Variants in PLSCR4 observed in about 807,000 individuals in gnomAD.
The protein encoded by PLSCR4 is Ca(2+)-dependent phospholipid scramblase 4.
In PLSCR4, 25 loss-of-function variants were observed where a neutral mutation model predicts 36.3. The observed-to-expected ratio is 0.69, with a 90% confidence interval of 0.50 to 0.96. PLSCR4 has a LOEUF of 0.96. Ranked by LOEUF, PLSCR4 falls within the 40% of genes least tolerant of loss-of-function variation. The pLI is 0.00. For synonymous variants in PLSCR4, 122 were observed against 132.9 expected, an observed-to-expected ratio of 0.92 and a Z score of 0.56; for missense variants, 408 against 414.7, an observed-to-expected ratio of 0.98 and a Z score of 0.14.
At chr3:146,206,428 C>T in intron 4 of PLSCR4, 98 bp downstream of exon 4, 1 of 795,324 alleles carries the variant, frequency 1.3e-6, no homozygotes, top group South Asian at 1.6e-5. Flanking sequence ...CATCACTGAC[C>T]CATCTCCTTT....
chr3:146,224,330 A>G (rs1291031360), intron 1 of PLSCR4, among the ~76,000 whole-genome samples: 1 of 152,214 alleles, frequency 6.6e-6, no homozygotes, highest in Non-Finnish European at 1.5e-5. Context: ...ATGTATCTCA[A>G]AATTATAGCA....
chr3:146,225,573 C>G (rs569738045), intron 1 of PLSCR4, among the ~76,000 whole-genome samples: 1 of 152,216 alleles, frequency 6.6e-6, no homozygotes, highest in South Asian at 2.1e-4. Flanking sequence ...CCGAGCCCCG[C>G]CCCGCAGGAA....
chr3:146,199,270 T>G (rs2033911955), intron 6 of PLSCR4, among the ~76,000 whole-genome samples: 1 of 152,110 alleles, frequency 6.6e-6, no homozygotes, highest in Non-Finnish European at 1.5e-5. Flanking sequence ...GAAAATAACT[T>G]GCTTAGAAAT....
rs141005953 is a variant in PLSCR4 at position 146,235,855 on chromosome 3, A to G, written c.-21-13763T>C. 1.0e-3 allele frequency among the ~76,000 whole-genome samples: 154 copies of G among 152,260 alleles called. 1 individual carries two copies. The highest frequency in any genetic ancestry group is 3.6e-3 in the African/African-American group (150 of 41,556). On this transcript the variant is annotated intron_variant, in intron 1 of 8. Coordinates refer to ENST00000354952, the MANE Select transcript of PLSCR4 (RefSeq NM_020353.3). ...AGGTACTTCTGTTCCTTAACAAAGC[A>G]ATTGGCTGCACTGTGCCCCTGCCCT... is the stretch of plus-strand genomic sequence containing the variant.
chr3:146,220,672 A>G, intron 3 of PLSCR4, 143 bp downstream of exon 3: 2 of 629,010 alleles, frequency 3.2e-6, no homozygotes, highest in Admixed American at 2.9e-5. Flanking sequence ...ACTGACATAT[A>G]GTAAACTATG....
chr3:146,206,093 T>C (rs747954486), intron 4 of PLSCR4, among the ~76,000 whole-genome samples: 9 of 152,082 alleles, frequency 5.9e-5, no homozygotes, highest in Non-Finnish European at 1.0e-4. Context: ...CAAGAGTAGC[T>C]AATGAAAATG....
Position 146,210,136 on chromosome 3 carries a change from T to C in PLSCR4, c.119-3375A>G, listed in dbSNP as rs149785647. ...AGATTACTTACAATAGCTAACACAATGTAAATGCTAATATAAATTGTTTTT... is the reference window on the plus strand; with the variant it reads ...AGATTACTTACAATAGCTAACACAACGTAAATGCTAATATAAATTGTTTTT... On this transcript the variant is annotated intron_variant, in intron 3 of 8. Transcript: ENST00000354952. 3.0e-3 allele frequency among the ~76,000 whole-genome samples: 463 copies of C among 152,250 alleles called. 3 individuals are homozygous for C. The highest frequency in any genetic ancestry group is 0.011 in the African/African-American group (454 of 41,568).
Position 146,195,260 on chromosome 3 carries a change from G to A in PLSCR4, c.809C>T (p.Ser270Phe). 1 of 1,613,574 alleles carries A rather than the reference G, an allele frequency of 6.2e-7. No homozygotes were observed. The highest frequency in any genetic ancestry group is 1.3e-5 in the African/African-American group (1 of 75,026). ...CTTCCGGATAATACTGCCGATGTTG[G>A]ATATGCCATCAAGGGATTTGACCTG... is the stretch of plus-strand genomic sequence containing the variant. ...VFEVKSLDGI[S>F]NIGSIIRKWN... is the part of the protein sequence containing the mutation. The change falls in exon 8 of 9, where the codon TCC becomes TTC. Residue 270 changes from serine (S) to phenylalanine (F), a missense_variant. By Grantham distance (155) the Ser-to-Phe change is radical. Coordinates refer to ENST00000354952, the MANE Select transcript of PLSCR4 (RefSeq NM_020353.3).
intron 1 of PLSCR4, among the ~76,000 whole-genome samples, chr3:146,242,701 G>T (rs78992733): frequency 0.017 from 2,563 of 152,280 alleles, 76 homozygotes; most frequent in African/African-American, 0.058. Flanking sequence ...AAAAACCAGA[G>T]ACCCAGAACC....
intron 1 of PLSCR4, among the ~76,000 whole-genome samples, chr3:146,234,215 G>A (rs1342217600): frequency 6.6e-6 from 1 of 151,972 alleles, no homozygotes; most frequent in Non-Finnish European, 1.5e-5. Flanking sequence ...TTTTTCTCTG[G>A]TATCCCTGGC....
At chr3:146,202,689 G>T (rs185126286) in intron 4 of PLSCR4, among the ~76,000 whole-genome samples, 74 of 152,100 alleles carry the variant, frequency 4.9e-4, no homozygotes, top group African/African-American at 1.7e-3. Context: ...GTTCTTTTTA[G>T]TACTTTACCA....
intron 7 of PLSCR4, among the ~76,000 whole-genome samples, chr3:146,196,131 T>C (rs921108709): frequency 2.0e-5 from 3 of 152,274 alleles, no homozygotes; most frequent in Admixed American, 2.0e-4. Context: ...TTGAAAAAAA[T>C]GTTAAAACTA....
chr3:146,227,433 T>A (rs1399267252), intron 1 of PLSCR4, among the ~76,000 whole-genome samples: 1 of 152,146 alleles, frequency 6.6e-6, no homozygotes, highest in Non-Finnish European at 1.5e-5. Context: ...GAGTGCTGTA[T>A]CTTATTATAT....
chr3:146,227,617 C>T (rs2035531201), intron 1 of PLSCR4, among the ~76,000 whole-genome samples: 1 of 145,428 alleles, frequency 6.9e-6, no homozygotes, highest in Non-Finnish European at 1.5e-5. Context: ...ACAGGATTAG[C>T]TCTTAGAGTA....
chr3:146,227,425 G>A (rs956257888), intron 1 of PLSCR4, among the ~76,000 whole-genome samples: 3 of 152,268 alleles, frequency 2.0e-5, no homozygotes, highest in African/African-American at 7.2e-5. Context: ...TACAGCAAGA[G>A]TGCTGTATCT....
intron 8 of PLSCR4, 122 bp downstream of exon 8, chr3:146,195,002 A>T: frequency 2.7e-6 from 2 of 735,686 alleles, no homozygotes; most frequent in Non-Finnish European, 2.2e-6. Context: ...AAACCATGTA[A>T]CTAGTAAGTG....
intron 6 of PLSCR4, among the ~76,000 whole-genome samples, chr3:146,197,518 C>T (rs1222710940): frequency 1.3e-5 from 2 of 151,674 alleles, no homozygotes; most frequent in Non-Finnish European, 2.9e-5. Flanking sequence ...TAACAGAAAA[C>T]AAAAAAGAGG....
intron 1 of PLSCR4, among the ~76,000 whole-genome samples, chr3:146,239,459 C>T (rs879921784): frequency 7.2e-6 from 1 of 138,286 alleles, no homozygotes; most frequent in Admixed American, 7.7e-5. Context: ...ACAAGGATAC[C>T]AACAGGGGAA....
At chr3:146,203,889 A>G (rs938456996) in intron 4 of PLSCR4, among the ~76,000 whole-genome samples, 1 of 152,056 alleles carries the variant, frequency 6.6e-6, no homozygotes, top group Non-Finnish European at 1.5e-5. Context: ...ATTTCCTTCA[A>G]GAACTTTTCC....
Sources: gnomAD v4.1 joint callset for allele counts (sites outside exome capture counted in the v4.1 genomes callset) on GRCh38, gnomAD v4.1.1 for gene constraint, MANE v1.5 for transcripts, NCBI Gene and HGNC (gene_info 2026-07-23, HGNC 2026-07-21) for gene names.